Variants in CNTN1 observed in about 807,000 individuals in gnomAD.
CNTN1 encodes the protein contactin 1.
In CNTN1, 38 loss-of-function variants were observed where a neutral mutation model predicts 126.4. The ratio of observed to expected loss-of-function variants is 0.30; its 90% CI spans 0.23 to 0.39. CNTN1 has a LOEUF of 0.39. Among genes scored for constraint, CNTN1 ranks in the 10% least tolerant of loss-of-function variants. CNTN1 has a pLI of 1.00. For missense variants in CNTN1, 1,009 were observed against 1,248.4 expected (o/e 0.81, Z 2.89); for synonymous variants, 413 against 422.6 (o/e 0.98, Z 0.28).
chr12:40,981,377 G>A (rs919801983), intron 16 of CNTN1, among the ~76,000 whole-genome samples: 13 of 152,058 alleles, frequency 8.5e-5, no homozygotes, highest in South Asian at 4.1e-4. Flanking sequence ...TCATCGGGAA[G>A]TCTATTTTTG....
intron 5 of CNTN1, among the ~76,000 whole-genome samples, chr12:40,924,003 ATAG>A (rs1313252308): frequency 6.6e-6 from 1 of 151,914 alleles, no homozygotes; most frequent in African/African-American, 2.4e-5. Flanking sequence ...TTCCAAATAC[ATAG>A]AAAAGAGTAA....
intron 1 of CNTN1, among the ~76,000 whole-genome samples, chr12:40,838,445 A>C (rs1349479261): frequency 6.6e-6 from 1 of 152,168 alleles, no homozygotes; most frequent in Non-Finnish European, 1.5e-5. Context: ...CCACTACTGG[A>C]ATCTGAGCAA....
rs80082554 is a variant in CNTN1 at position 40,748,983 on chromosome 12, G to T, written c.-77+56391G>T. 3.6e-3 allele frequency among the ~76,000 whole-genome samples: 546 copies of T among 152,082 alleles called. 4 individuals carry two copies. Among genetic ancestry groups the T allele is most frequent in the Non-Finnish European group, 5.2e-3 (350 of 67,950 alleles). On this transcript the variant is annotated intron_variant, in intron 1 of 23. Transcript: ENST00000551295. ...TTGAAAACAGACAAAACACCCCTGA[G>T]GTTCTTTTACCTGGTTTTATACCAC...
chr12:40,880,647 A>G (rs1260074369), intron 1 of CNTN1, among the ~76,000 whole-genome samples: 1 of 152,020 alleles, frequency 6.6e-6, no homozygotes, highest in Non-Finnish European at 1.5e-5. Context: ...TCCTTTGACA[A>G]TAAGTGTCAG....
chr12:40,991,954 A>G (rs903872522), intron 16 of CNTN1, among the ~76,000 whole-genome samples: 3 of 152,222 alleles, frequency 2.0e-5, no homozygotes, highest in African/African-American at 7.2e-5. Context: ...ACCTAGAAAA[A>G]TGTCCTTATG....
chr12:40,879,549 T>G (rs1943802131), intron 1 of CNTN1, among the ~76,000 whole-genome samples: 1 of 151,932 alleles, frequency 6.6e-6, no homozygotes, highest in South Asian at 2.1e-4. Context: ...GGATTAGGAA[T>G]GAGAAAAAGA....
At chr12:40,905,610 T>G (rs1944779790) in intron 1 of CNTN1, among the ~76,000 whole-genome samples, 1 of 150,076 alleles carries the variant, frequency 6.7e-6, no homozygotes. Context: ...AAATTAGGAT[T>G]TGTGTAATAA....
chr12:40,934,534 G>A (rs1946014650), intron 9 of CNTN1, among the ~76,000 whole-genome samples: 1 of 151,368 alleles, frequency 6.6e-6, no homozygotes, highest in Admixed American at 6.6e-5. Flanking sequence ...GGCCACACTG[G>A]AAACTTTCCA....
intron 23 of CNTN1, among the ~76,000 whole-genome samples, chr12:41,056,917 T>TTACATTTAGATATTTATAAATATTATA (rs1555205942): frequency 1.4e-5 from 1 of 70,022 alleles, no homozygotes. Context: ...TAAATATTTA[T>TTACATTTAGATATTTATAAATATTATA]AATATTTAGA....
At chr12:41,064,173 CA>C (rs35620860) in intron 23 of CNTN1, among the ~76,000 whole-genome samples, 41,222 of 111,396 alleles carry the variant, frequency 0.37, 5,522 homozygotes, top group Admixed American at 0.43. Context: ...GACTCCATCT[CA>C]AAAAAAAAAA....
At chr12:40,764,990 T>C (rs959416811) in intron 1 of CNTN1, among the ~76,000 whole-genome samples, 1 of 152,030 alleles carries the variant, frequency 6.6e-6, no homozygotes, top group Non-Finnish European at 1.5e-5. Flanking sequence ...ACAAAAATAT[T>C]TGTAAAATGT....
At chr12:40,789,080 T>A (rs1940132438) in intron 1 of CNTN1, among the ~76,000 whole-genome samples, 1 of 152,160 alleles carries the variant, frequency 6.6e-6, no homozygotes, top group African/African-American at 2.4e-5. Flanking sequence ...CAGTTACATA[T>A]TAATTGCTAT....
chr12:40,861,275 T>A (rs558198392), intron 1 of CNTN1, among the ~76,000 whole-genome samples: 131 of 152,266 alleles, frequency 8.6e-4, no homozygotes, highest in African/African-American at 3.0e-3. Context: ...AGCCCATTTA[T>A]AAAACATTAG....
At chr12:40,994,816 TC>T (rs1433209894) in intron 17 of CNTN1, among the ~76,000 whole-genome samples, 5 of 152,030 alleles carry the variant, frequency 3.3e-5, no homozygotes, top group Non-Finnish European at 5.9e-5. Context: ...AAGGTTGAAA[TC>T]TAAGTTTCTA....
At chr12:40,786,112 G>A (rs978378621) in intron 1 of CNTN1, among the ~76,000 whole-genome samples, 4 of 152,256 alleles carry the variant, frequency 2.6e-5, no homozygotes, top group African/African-American at 9.6e-5. Flanking sequence ...TAAAATCGAG[G>A]TATTGTTAGG....
chr12:40,968,831 T>C (rs906230456), intron 15 of CNTN1, among the ~76,000 whole-genome samples: 9 of 152,184 alleles, frequency 5.9e-5, no homozygotes, highest in Non-Finnish European at 1.3e-4. Flanking sequence ...TTTTCCCTTC[T>C]TGATGTTTAA....
chr12:40,997,627 G>T (rs542473735), intron 17 of CNTN1, among the ~76,000 whole-genome samples: 1 of 152,248 alleles, frequency 6.6e-6, no homozygotes, highest in East Asian at 1.9e-4. Context: ...CTGAAGACCT[G>T]AATTAAAGAT....
chr12:40,712,961 A>G (rs566541583), intron 1 of CNTN1, among the ~76,000 whole-genome samples: 1 of 152,140 alleles, frequency 6.6e-6, no homozygotes, highest in East Asian at 1.9e-4. Context: ...AATTCCCATG[A>G]GAGCTGGTTG....
intron 1 of CNTN1, among the ~76,000 whole-genome samples, chr12:40,782,814 G>C (rs896848740): frequency 6.6e-6 from 1 of 151,822 alleles, no homozygotes; most frequent in Non-Finnish European, 1.5e-5. Context: ...ATATGGGGTA[G>C]CCAAATAAAA....
Sources: gnomAD v4.1 joint callset for allele counts (sites outside exome capture counted in the v4.1 genomes callset) on GRCh38, gnomAD v4.1.1 for gene constraint, MANE v1.5 for transcripts, NCBI Gene and HGNC (gene_info 2026-07-23, HGNC 2026-07-21) for gene names.